MINDY4: variants seen among roughly 807,000 people sequenced by gnomAD.
MINDY4 encodes the protein probable ubiquitin carboxyl-terminal hydrolase MINDY-4.
Under a neutral mutation model 87.0 loss-of-function variants are expected in MINDY4, and 68 were observed. The ratio of observed to expected loss-of-function variants is 0.78; its 90% CI spans 0.64 to 0.96. The LOEUF (loss-of-function observed/expected upper bound fraction) is 0.96. Among genes scored for constraint, MINDY4 ranks in the 40% least tolerant of loss-of-function variants. The pLI is 0.00. For missense variants in MINDY4, 919 were observed against 928.2 expected (o/e 0.99, Z 0.13); for synonymous variants, 379 against 363.2 (o/e 1.04, Z -0.50).
At chr7:30,823,739 G>T (rs1174945096) in intron 5 of MINDY4, among the ~76,000 whole-genome samples, 3 of 152,054 alleles carry the variant, frequency 2.0e-5, no homozygotes, top group Admixed American at 6.5e-5. Flanking sequence ...GTGTCTGTTG[G>T]CTTTCACTCA....
chr7:30,810,466 T>G (rs11768048), intron 5 of MINDY4, among the ~76,000 whole-genome samples: 48,459 of 151,806 alleles, frequency 0.32, 8,086 homozygotes, highest in African/African-American at 0.38. Flanking sequence ...AAAAAAACTT[T>G]TTTTGAAGGT....
At chr7:30,882,868 G>A in intron 16 of MINDY4, 53 bp from the exon 17 acceptor site, 1 of 1,568,942 alleles carries the variant, frequency 6.4e-7, no homozygotes, top group Non-Finnish European at 8.8e-7. Context: ...GCTGACCTCA[G>A]GGTGAGTGCA....
rs534873333 is a variant in MINDY4, at chr7:30,889,448, T to C, written c.2226-2509T>C. Among the ~76,000 whole-genome samples the C allele has an allele frequency of 9.2e-5, 14 of 152,236 alleles. No homozygotes were observed. The East Asian group carries it at 1.9e-3, about 21-fold the overall frequency. Reference sequence around the variant, plus strand: ...TGCTGGTTGGACCTATATTAGCCAGTATAGGACATCATCAGACTCCACCCC... The same window carrying C: ...TGCTGGTTGGACCTATATTAGCCAGCATAGGACATCATCAGACTCCACCCC... On this transcript the variant is annotated intron_variant, in intron 17 of 17. Transcript: ENST00000265299.
At chr7:30,840,633 G>A in intron 8 of MINDY4, 127 bp from the exon 9 acceptor site, 1 of 688,638 alleles carries the variant, frequency 1.5e-6, no homozygotes. Context: ...CCACATCAGA[G>A]GCCCTTCTGT....
At chr7:30,797,671 A>G (rs539575214) in intron 5 of MINDY4, among the ~76,000 whole-genome samples, 26 of 152,138 alleles carry the variant, frequency 1.7e-4, no homozygotes, top group Non-Finnish European at 3.2e-4. Context: ...CATCTAGGAG[A>G]TATGGGAGCC....
chr7:30,831,912 AG>A (rs1274876511), intron 6 of MINDY4, among the ~76,000 whole-genome samples: 1 of 152,260 alleles, frequency 6.6e-6, no homozygotes, highest in Admixed American at 6.5e-5. Context: ...CATTTAAACC[AG>A]GACCTTAGAA....
chr7:30,865,289 CAGG>C (rs1789899578), intron 13 of MINDY4, among the ~76,000 whole-genome samples: 1 of 152,234 alleles, frequency 6.6e-6, no homozygotes, highest in Non-Finnish European at 1.5e-5. Flanking sequence ...AGCTGGGAAA[CAGG>C]AGAAGAGGAA....
intron 5 of MINDY4, among the ~76,000 whole-genome samples, chr7:30,804,276 A>G (rs1787743487): frequency 6.6e-6 from 1 of 152,196 alleles, no homozygotes; most frequent in African/African-American, 2.4e-5. Context: ...CTCATTCCAC[A>G]AGAAGTTAGT....
At chr7:30,771,686 C>A in intron 1 of MINDY4, 130 bp downstream of exon 1, 2 of 842,870 alleles carry the variant, frequency 2.4e-6, no homozygotes, top group South Asian at 1.8e-5. Flanking sequence ...CCAGAGATGC[C>A]CCAGAAGAGC....
At chr7:30,794,102 T>C (rs951045808) in intron 5 of MINDY4, among the ~76,000 whole-genome samples, 3 of 152,118 alleles carry the variant, frequency 2.0e-5, no homozygotes, top group African/African-American at 7.2e-5. Flanking sequence ...CGTCTTTGTG[T>C]AGTGCACATA....
chr7:30,790,389 C>T (rs975389918), intron 4 of MINDY4, among the ~76,000 whole-genome samples: 1 of 152,178 alleles, frequency 6.6e-6, no homozygotes, highest in Non-Finnish European at 1.5e-5. Context: ...AGCAGCCTCA[C>T]AGCAGTTAAG....
At chr7:30,870,458 G>T (rs149014343) in intron 13 of MINDY4, among the ~76,000 whole-genome samples, 1 of 152,222 alleles carries the variant, frequency 6.6e-6, no homozygotes, top group Non-Finnish European at 1.5e-5. Flanking sequence ...TCCCAGGCCT[G>T]CTGGGCTGTC....
chr7:30,828,617 T>C, intron 5 of MINDY4, 62 bp from the exon 6 acceptor site: 10 of 1,550,518 alleles, frequency 6.4e-6, no homozygotes, highest in Non-Finnish European at 8.9e-6. Flanking sequence ...TTAACAGTCT[T>C]CTCTGCCGTT....
intron 5 of MINDY4, among the ~76,000 whole-genome samples, chr7:30,824,351 G>C (rs1410919933): frequency 3.3e-5 from 5 of 152,144 alleles, no homozygotes; most frequent in Admixed American, 2.0e-4. Flanking sequence ...ATCCATTCAT[G>C]AGGGCAAAGC....
intron 13 of MINDY4, among the ~76,000 whole-genome samples, chr7:30,867,182 C>T (rs1341850940): frequency 7.9e-5 from 12 of 152,140 alleles, no homozygotes; most frequent in Admixed American, 7.9e-4. Flanking sequence ...GGTTCTGACT[C>T]ATCGTCTACT....
chr7:30,892,103 C>G lies in MINDY4; in HGVS notation c.*98C>G. On this transcript the variant is annotated 3_prime_UTR_variant, in exon 18 of 18. Transcript: ENST00000265299. ...GCCTCTGGGGCAGGTCTCATGTACCCCAACCTGGGTCAGCATGACTGCAGA... is the reference window on the plus strand; with the variant it reads ...GCCTCTGGGGCAGGTCTCATGTACCGCAACCTGGGTCAGCATGACTGCAGA... The G allele has an allele frequency of 1.5e-6, 2 of 1,347,574 alleles. No individual in the cohort carries two copies. The highest frequency in any genetic ancestry group is 1.2e-5 in the South Asian group (1 of 85,300). The allele number at this position is 1,347,574 out of a possible 1,614,324, so 83.5% of individuals were successfully genotyped here. A position where few individuals can be genotyped will look rare whatever the true frequency, so the allele number is the denominator to read the frequency against.
chr7:30,878,814 C>T (rs2128580654), intron 15 of MINDY4, among the ~76,000 whole-genome samples: 1 of 152,330 alleles, frequency 6.6e-6, no homozygotes, highest in East Asian at 1.9e-4. Context: ...CACCATCCAC[C>T]CATTTACTCA....
At chr7:30,858,252 A>C (rs1231488307) in intron 12 of MINDY4, 1 of 152,236 alleles carries the variant, frequency 6.6e-6, no homozygotes, top group African/African-American at 2.4e-5. Flanking sequence ...TACTGGACAG[A>C]TGGGCAGGGC....
rs553878881 is a variant in MINDY4, at chr7:30,820,604, G to C, written c.1074-8075G>C. On this transcript the variant is annotated intron_variant, in intron 5 of 17. Coordinates refer to ENST00000265299, the MANE Select transcript of MINDY4 (RefSeq NM_032222.3). ...GGAATCATATAATATATAAACTTAC[G>C]GTGTCAGGCTTCTTTCACTTAACAT... Among the ~76,000 whole-genome samples, 1,194 of 152,156 alleles carry C rather than the reference G, an allele frequency of 7.8e-3. 15 individuals are homozygous for C. The highest frequency in any genetic ancestry group is 0.027 in the African/African-American group (1,137 of 41,490).
Sources: gnomAD v4.1 joint callset for allele counts (sites outside exome capture counted in the v4.1 genomes callset) on GRCh38, gnomAD v4.1.1 for gene constraint, MANE v1.5 for transcripts, NCBI Gene and HGNC (gene_info 2026-07-23, HGNC 2026-07-21) for gene names.